Variants in EYS observed in about 807,000 individuals in gnomAD.
EYS encodes the protein EGF-like photoreceptor maintenance factor.
A neutral mutation model predicts 282.1 loss-of-function variants in EYS; 250 were observed. The ratio of observed to expected loss-of-function variants is 0.89; its 90% CI spans 0.80 to 0.98. The LOEUF is 0.98. Ranked by LOEUF, EYS falls within the 50% of genes least tolerant of loss-of-function variation. The pLI is 0.00. For missense variants in EYS, 4,016 were observed against 3,709.0 expected (o/e 1.08, Z -2.15); for synonymous variants, 1,355 against 1,282.9 (o/e 1.06, Z -1.20).
At chr6:65,559,559 G>A (rs567457296) in intron 2 of EYS, among the ~76,000 whole-genome samples, 22 of 151,998 alleles carry the variant, frequency 1.4e-4, no homozygotes, top group Middle Eastern at 3.4e-3. Context: ...TCATCTTTGC[G>A]TCTTAATAAC....
chr6:63,892,783 G>A (rs1009152581), intron 35 of EYS, among the ~76,000 whole-genome samples: 3 of 152,160 alleles, frequency 2.0e-5, no homozygotes, highest in Admixed American at 1.3e-4. Flanking sequence ...TATCGTCAGA[G>A]TGAACAGGCA....
intron 5 of EYS, among the ~76,000 whole-genome samples, chr6:65,482,647 T>C (rs977293670): frequency 6.6e-6 from 1 of 152,230 alleles, no homozygotes; most frequent in African/African-American, 2.4e-5. Context: ...GAAAATATTC[T>C]GTCTACCCTC....
chr6:64,573,227 A>T (rs985178250), intron 26 of EYS, among the ~76,000 whole-genome samples: 10 of 152,356 alleles, frequency 6.6e-5, no homozygotes, highest in African/African-American at 1.9e-4. Flanking sequence ...GCATATGCAG[A>T]AAGCTGAAAC....
chr6:64,683,609 G>A (rs58168108), intron 22 of EYS, among the ~76,000 whole-genome samples: 5,911 of 151,976 alleles, frequency 0.039, 401 homozygotes, highest in African/African-American at 0.14. Flanking sequence ...GATGTCCTAG[G>A]ATAGGAGATA....
intron 29 of EYS, among the ~76,000 whole-genome samples, chr6:64,350,243 G>T (rs1771575484): frequency 1.3e-5 from 2 of 150,950 alleles, no homozygotes; most frequent in Non-Finnish European, 3.0e-5. Flanking sequence ...AACAATTTTA[G>T]AAAAATAAAT....
intron 13 of EYS, among the ~76,000 whole-genome samples, chr6:65,022,472 A>G (rs905374483): frequency 1.3e-5 from 2 of 152,150 alleles, no homozygotes; most frequent in Non-Finnish European, 2.9e-5. Flanking sequence ...GGCTATTTCT[A>G]TTCTTTCTGT....
At chr6:64,540,200 A>G (rs1764657715) in intron 26 of EYS, among the ~76,000 whole-genome samples, 1 of 152,136 alleles carries the variant, frequency 6.6e-6, no homozygotes, top group African/African-American at 2.4e-5. Context: ...TTCTATTGCA[A>G]CCTCAATCCC....
At chr6:64,019,710 C>T (rs1343710070) in intron 33 of EYS, among the ~76,000 whole-genome samples, 3 of 151,780 alleles carry the variant, frequency 2.0e-5, no homozygotes, top group Admixed American at 6.6e-5. Flanking sequence ...CGCTCAGCCT[C>T]GTTCTTTCTT....
At chr6:64,240,728 T>C (rs1029333371) in intron 30 of EYS, among the ~76,000 whole-genome samples, 3 of 152,192 alleles carry the variant, frequency 2.0e-5, no homozygotes, top group African/African-American at 7.2e-5. Flanking sequence ...CTTTTCCTGA[T>C]TGAATACCCC....
intron 28 of EYS, among the ~76,000 whole-genome samples, chr6:64,399,431 C>T (rs892001958): frequency 6.6e-6 from 1 of 151,424 alleles, no homozygotes; most frequent in Admixed American, 6.6e-5. Context: ...TAAGTGAATC[C>T]CATTATTGTC....
At position 65,434,322 on chromosome 6, in the gene EYS, A is replaced by ATTT. The variant is rs369477528; in HGVS notation, c.863-28958_863-28956dup. Reference sequence around the variant, plus strand: ...AGGGACATTTTCCTAGGTTTGCATAATTTTTTTTTTTTTTTTGAGACGGAG... The same window carrying ATTT: ...AGGGACATTTTCCTAGGTTTGCATAATTTTTTTTTTTTTTTTTTTGAGACGGAG... On this transcript the variant is annotated intron_variant, in intron 5 of 42. Coordinates refer to ENST00000503581, the MANE Select transcript of EYS (RefSeq NM_001142800.2). 7.6e-4 allele frequency among the ~76,000 whole-genome samples: 110 copies of ATTT among 144,638 alleles called. 1 individual carries two copies. Among genetic ancestry groups the ATTT allele is most frequent in the East Asian group, 3.3e-3 (16 of 4,882 alleles). The allele number at this position is 144,638 out of a possible 152,430, so 94.9% of individuals were successfully genotyped here. A position where few individuals can be genotyped will look rare whatever the true frequency, so the allele number is the denominator to read the frequency against.
intron 35 of EYS, among the ~76,000 whole-genome samples, chr6:63,979,931 T>C (rs1343407645): frequency 6.6e-6 from 1 of 151,944 alleles, no homozygotes; most frequent in Non-Finnish European, 1.5e-5. Flanking sequence ...GAAGTGTTAC[T>C]TTCCTTAATA....
At chr6:64,413,560 A>ACAAC (rs1428165292) in intron 28 of EYS, among the ~76,000 whole-genome samples, 2 of 140,250 alleles carry the variant, frequency 1.4e-5, no homozygotes, top group African/African-American at 2.6e-5. Flanking sequence ...AACAACAACA[A>ACAAC]AAACCCAAAA....
chr6:64,439,435 T>TAATAA, intron 26 of EYS, 83 bp from the exon 27 acceptor site: 2 of 906,934 alleles, frequency 2.2e-6, no homozygotes, highest in Non-Finnish European at 3.2e-6. Context: ...TAGCATATGT[T>TAATAA]TTCTCTAATG....
intron 15 of EYS, among the ~76,000 whole-genome samples, chr6:64,942,650 C>A (rs1266432606): frequency 6.6e-6 from 1 of 151,694 alleles, no homozygotes; most frequent in Non-Finnish European, 1.5e-5. Flanking sequence ...AACACACCAC[C>A]TCTCAAGATT....
At chr6:64,130,489 G>A (rs1046959892) in intron 31 of EYS, among the ~76,000 whole-genome samples, 1 of 152,058 alleles carries the variant, frequency 6.6e-6, no homozygotes, top group Non-Finnish European at 1.5e-5. Context: ...GTGGGGTGCA[G>A]GGGGGAGGGA....
intron 40 of EYS, among the ~76,000 whole-genome samples, chr6:63,773,969 A>C (rs1181710925): frequency 6.6e-6 from 1 of 152,190 alleles, no homozygotes; most frequent in African/African-American, 2.4e-5. Flanking sequence ...AAGACAAAAA[A>C]TAATTAGGAA....
intron 10 of EYS, 115 bp downstream of exon 10, chr6:65,343,923 A>G (rs1444890731): frequency 2.2e-6 from 2 of 894,220 alleles, no homozygotes; most frequent in Non-Finnish European, 1.8e-6. Flanking sequence ...AACTATGCAA[A>G]CTATATATTT....
intron 29 of EYS, among the ~76,000 whole-genome samples, chr6:64,325,285 T>A (rs2150386961): frequency 6.6e-6 from 1 of 152,278 alleles, no homozygotes; most frequent in African/African-American, 2.4e-5. Context: ...CGGGTAGGCT[T>A]GCTGTGTAGC....
Sources: allele counts gnomAD v4.1 joint callset (sites outside exome capture counted in the v4.1 genomes callset), GRCh38; gene constraint gnomAD v4.1.1; transcripts MANE v1.5; gene names NCBI Gene and HGNC (gene_info 2026-07-23, HGNC 2026-07-21).